KIAA1217: variants seen among roughly 807,000 people sequenced by gnomAD.
The protein encoded by KIAA1217 is KIAA1217.
A neutral mutation model predicts 163.9 loss-of-function variants in KIAA1217; 88 were observed. That is an observed-to-expected ratio of 0.54 (90% CI 0.45 to 0.64). The LOEUF (loss-of-function observed/expected upper bound fraction) is 0.64. Among genes scored for constraint, KIAA1217 ranks in the 30% least tolerant of loss-of-function variants. The pLI is 0.00. For missense variants in KIAA1217, 2,372 were observed against 2,475.0 expected (o/e 0.96, Z 0.88); for synonymous variants, 903 against 923.1 (o/e 0.98, Z 0.39).
intron 1 of KIAA1217, among the ~76,000 whole-genome samples, chr10:23,995,028 G>A (rs994945234): frequency 6.6e-6 from 1 of 152,162 alleles, no homozygotes; most frequent in Admixed American, 6.5e-5. Flanking sequence ...GTCTTTTAAA[G>A]TGTTGCCTCC....
chr10:23,952,865 AT>A (rs910109865), intron 1 of KIAA1217, among the ~76,000 whole-genome samples: 4 of 152,222 alleles, frequency 2.6e-5, no homozygotes, highest in African/African-American at 9.6e-5. Context: ...ACAAGTGGTC[AT>A]TTCAAGCATG....
At chr10:24,383,802 G>A (rs2053632248) in intron 3 of KIAA1217, among the ~76,000 whole-genome samples, 1 of 152,212 alleles carries the variant, frequency 6.6e-6, no homozygotes, top group South Asian at 2.1e-4. Context: ...CCTCTTTGTG[G>A]CCGATTGGGG....
intron 19 of KIAA1217, 108 bp downstream of exon 19, chr10:24,544,589 C>CT (rs796806090): frequency 0.033 from 35,439 of 1,079,274 alleles, 42 homozygotes; most frequent in African/African-American, 0.037. Context: ...TTTCAGGTGG[C>CT]TTTTTTTTTT....
At position 24,088,338 on chromosome 10, in the gene KIAA1217, C is replaced by A; in HGVS notation, c.-171+80964C>A. Among the ~76,000 whole-genome samples the A allele has an allele frequency of 1.7e-5, 2 of 116,210 alleles. 1 individual carries two copies. The highest frequency in any genetic ancestry group is 4.2e-5 in the Non-Finnish European group (2 of 47,668). 76.2% of individuals were successfully genotyped at this position (116,210 alleles called of 152,430 possible). A position where few individuals can be genotyped will look rare whatever the true frequency, so the allele number is the denominator to read the frequency against. The stretch of plus-strand genomic sequence containing the variant: ...TACTTTAAGTTCTAGGGTACATGTG[C>A]ACAACGTGCAGGTTTGTTACATATG... On this transcript the variant is annotated intron_variant, in intron 2 of 18. Coordinates refer to the KIAA1217 transcript ENST00000376462.
rs908212545 is a variant in KIAA1217, at chr10:23,952,032, C to T, written c.-320-55193C>T. ...GCTTAAAGGATTAGAAGAATTCACC[C>T]GCCTTCCCGAAAGGCTGATGTTTCC... is the stretch of plus-strand genomic sequence containing the variant. On this transcript the variant is annotated intron_variant, in intron 1 of 18. Coordinates refer to the KIAA1217 transcript ENST00000376462. 4.0e-4 allele frequency among the ~76,000 whole-genome samples: 61 copies of T among 152,136 alleles called. 1 individual carries two copies. Among genetic ancestry groups the T allele is most frequent in the African/African-American group, 7.2e-5 (3 of 41,436 alleles).
At chr10:23,920,726 T>A (rs1034197253) in intron 1 of KIAA1217, among the ~76,000 whole-genome samples, 3 of 152,184 alleles carry the variant, frequency 2.0e-5, no homozygotes, top group Non-Finnish European at 2.9e-5. Context: ...ATAGCTCTAA[T>A]GGACAGAGTT....
At chr10:23,823,180 T>C (rs1221740003) in intron 1 of KIAA1217, among the ~76,000 whole-genome samples, 2 of 152,218 alleles carry the variant, frequency 1.3e-5, no homozygotes, top group African/African-American at 4.8e-5. Flanking sequence ...CTGTGTTCCA[T>C]TCTGGAGGCT....
chr10:23,974,576 C>A (rs907623481), intron 1 of KIAA1217, among the ~76,000 whole-genome samples: 3 of 152,010 alleles, frequency 2.0e-5, no homozygotes, highest in Admixed American at 6.5e-5. Context: ...ATGGGAGGAT[C>A]ACAATATAGT....
intron 2 of KIAA1217, among the ~76,000 whole-genome samples, chr10:24,150,384 C>T (rs16924338): frequency 0.034 from 5,201 of 152,176 alleles, 129 homozygotes; most frequent in Middle Eastern, 0.082. Flanking sequence ...ATTGAGAATC[C>T]GTTTAAGAGA....
intron 1 of KIAA1217, among the ~76,000 whole-genome samples, chr10:23,967,271 C>T (rs1041407701): frequency 2.6e-5 from 4 of 151,928 alleles, no homozygotes; most frequent in African/African-American, 9.7e-5. Flanking sequence ...AGAAAAACAA[C>T]TATAAACAAA....
chr10:24,532,036 A>G, intron 15 of KIAA1217, 43 bp downstream of exon 15: 1 of 1,439,616 alleles, frequency 6.9e-7, no homozygotes, highest in Non-Finnish European at 9.2e-7. Flanking sequence ...CTGGGTTCAG[A>G]TGATACCCTT....
chr10:24,464,986 C>T lies in KIAA1217; in HGVS notation c.847-8242C>T, dbSNP rs545140227. Among the ~76,000 whole-genome samples the T allele has an allele frequency of 1.0e-3, 155 of 152,280 alleles. 1 individual carries two copies. Among genetic ancestry groups the T allele is most frequent in the South Asian group, 2.1e-4 (1 of 4,826 alleles). The stretch of plus-strand genomic sequence containing the variant: ...GAGCCATGTCTGTTAGCACACCTCA[C>T]GCCATAAGACAGGGTCTTTGGAGGA... On this transcript the variant is annotated intron_variant, in intron 5 of 20. Transcript: ENST00000376454.
chr10:24,352,254 T>C (rs1000220273), intron 2 of KIAA1217, among the ~76,000 whole-genome samples: 8 of 152,342 alleles, frequency 5.3e-5, no homozygotes, highest in Middle Eastern at 6.8e-3. Context: ...GCATTGTGAA[T>C]GGGGAGGTGG....
chr10:24,034,045 T>G (rs535411933), intron 2 of KIAA1217, among the ~76,000 whole-genome samples: 2 of 152,354 alleles, frequency 1.3e-5, no homozygotes, highest in East Asian at 3.9e-4. Flanking sequence ...CATTGGTATT[T>G]TATAGCCATT....
At chr10:24,155,053 G>A (rs750795038) in intron 2 of KIAA1217, among the ~76,000 whole-genome samples, 12 of 152,268 alleles carry the variant, frequency 7.9e-5, no homozygotes, top group Non-Finnish European at 1.6e-4. Context: ...CTGGAGATAG[G>A]TGATGGCGAT....
chr10:24,288,418 G>A lies in KIAA1217; in HGVS notation c.354+68509G>A, dbSNP rs534506680. Among the ~76,000 whole-genome samples the A allele has an allele frequency of 1.2e-4, 18 of 152,332 alleles. 1 individual carries two copies. The South Asian group carries it at 3.7e-3, about 32-fold the overall frequency. ...AGCTGCACCAGAGAGCATTTTATCT[G>A]AATCCTATTCTTGTTCACCATGCCT... On this transcript the variant is annotated intron_variant, in intron 2 of 20. Transcript: ENST00000376454.
At chr10:24,177,549 A>G (rs1198341736) in intron 2 of KIAA1217, among the ~76,000 whole-genome samples, 1 of 151,690 alleles carries the variant, frequency 6.6e-6, no homozygotes, top group Non-Finnish European at 1.5e-5. Flanking sequence ...TGCTGGATCA[A>G]ATGATAGAAC....
At chr10:24,224,475 G>C (rs2070167699) in intron 2 of KIAA1217, among the ~76,000 whole-genome samples, 1 of 151,982 alleles carries the variant, frequency 6.6e-6, no homozygotes, top group Non-Finnish European at 1.5e-5. Context: ...GAGTAGCTGG[G>C]ATTACAGGTG....
At chr10:24,027,538 C>T (rs1026140426) in intron 2 of KIAA1217, among the ~76,000 whole-genome samples, 6 of 152,020 alleles carry the variant, frequency 3.9e-5, no homozygotes, top group Non-Finnish European at 5.9e-5. Flanking sequence ...ATGCCATTTA[C>T]AGTTGCTGAA....
Sources: allele counts gnomAD v4.1 joint callset (sites outside exome capture counted in the v4.1 genomes callset), GRCh38; gene constraint gnomAD v4.1.1; transcripts MANE v1.5; gene names NCBI Gene and HGNC (gene_info 2026-07-23, HGNC 2026-07-21).